Variants in RYR3 observed in about 807,000 individuals in gnomAD.
RYR3 encodes the protein brain ryanodine receptor-calcium release channel.
RYR3 carries 207 observed loss-of-function variants against 584.3 expected under a neutral mutation model. The ratio of observed to expected loss-of-function variants is 0.35; its 90% CI spans 0.32 to 0.40. The LOEUF is 0.40. Ranked by LOEUF, RYR3 falls within the 10% of genes least tolerant of loss-of-function variation. The pLI is 1.00. For synonymous variants in RYR3, 2,416 were observed against 2,248.5 expected (o/e 1.07, Z -2.11); for missense variants, 5,616 against 6,089.2 (o/e 0.92, Z 2.59).
intron 60 of RYR3, among the ~76,000 whole-genome samples, chr15:33,760,759 A>T (rs1348788983): frequency 6.6e-6 from 1 of 152,208 alleles, no homozygotes. Context: ...CTTAATAGAC[A>T]TCTACAGAAC....
At chr15:33,614,556 C>G (rs2060354720) in intron 19 of RYR3, among the ~76,000 whole-genome samples, 1 of 151,904 alleles carries the variant, frequency 6.6e-6, no homozygotes, top group African/African-American at 2.4e-5. Flanking sequence ...ATTTTTTATG[C>G]TTACTTTTAA....
At chr15:33,685,367 A>G (rs2064919337) in intron 38 of RYR3, among the ~76,000 whole-genome samples, 2 of 152,236 alleles carry the variant, frequency 1.3e-5, no homozygotes, top group South Asian at 2.1e-4. Context: ...ACATAATGGT[A>G]AAGGGATCAA....
intron 2 of RYR3, among the ~76,000 whole-genome samples, chr15:33,474,870 C>G (rs1443909400): frequency 6.6e-6 from 1 of 152,170 alleles, no homozygotes; most frequent in East Asian, 1.9e-4. Flanking sequence ...TCTTGTACTT[C>G]TCCCTCCCTT....
chr15:33,411,203 T>C lies in RYR3; in HGVS notation c.52-62216T>C, dbSNP rs920731206. On this transcript the variant is annotated intron_variant, in intron 1 of 103. Transcript: ENST00000634891. ...TTGTCTTGCTCTGGCTGTTTGAAAGTCTGCTTACCTAGGGCTGAAGTTGTC... is the reference window on the plus strand; with the variant it reads ...TTGTCTTGCTCTGGCTGTTTGAAAGCCTGCTTACCTAGGGCTGAAGTTGTC... Among the ~76,000 whole-genome samples the C allele has an allele frequency of 5.3e-5, 8 of 152,290 alleles. 1 individual carries two copies. Among genetic ancestry groups the C allele is most frequent in the Admixed American group, 1.3e-4 (2 of 15,296 alleles).
chr15:33,539,550 T>G, intron 6 of RYR3, 88 bp downstream of exon 6: 1 of 764,330 alleles, frequency 1.3e-6, no homozygotes, highest in Non-Finnish European at 2.3e-6. Flanking sequence ...CCACAGCAGG[T>G]TGGATAGAAT....
chr15:33,536,947 T>C (rs1389307230), intron 5 of RYR3, among the ~76,000 whole-genome samples: 1 of 152,202 alleles, frequency 6.6e-6, no homozygotes, highest in Admixed American at 6.5e-5. Flanking sequence ...ATAAAAATTT[T>C]GCTTTTATTT....
intron 74 of RYR3, among the ~76,000 whole-genome samples, chr15:33,815,069 CAAAA>C (rs35216286): frequency 3.4e-5 from 4 of 118,712 alleles, no homozygotes; most frequent in East Asian, 5.0e-4. Context: ...GACTCTGTCT[CAAAA>C]AAAAAAAAAA....
intron 1 of RYR3, among the ~76,000 whole-genome samples, chr15:33,318,251 A>T (rs757635744): frequency 6.6e-5 from 10 of 152,236 alleles, no homozygotes; most frequent in Non-Finnish European, 1.5e-4. Flanking sequence ...AGCCAGTATT[A>T]TGAGCAAGGC....
rs368204203 is a variant in RYR3 at position 33,572,688 on chromosome 15, C to CACACATAT, written c.1268+5891_1268+5892insACATATAC. On this transcript the variant is annotated intron_variant, in intron 12 of 103. Transcript: ENST00000634891. ...ACACACACACACACACACACACACACACTGGGCTGGGCACAATGGCTCACG... is the reference window on the plus strand; with the variant it reads ...ACACACACACACACACACACACACACACACATATACTGGGCTGGGCACAATGGCTCACG... Among the ~76,000 whole-genome samples the CACACATAT allele has an allele frequency of 2.4e-3, 311 of 131,448 alleles. 4 individuals are homozygous for CACACATAT. The East Asian group carries it at 0.024, about 10-fold the overall frequency. 86.2% of individuals were successfully genotyped at this position (131,448 alleles called of 152,430 possible).
chr15:33,615,165 A>G (rs1221039754), intron 19 of RYR3, among the ~76,000 whole-genome samples: 1 of 152,170 alleles, frequency 6.6e-6, no homozygotes, highest in Non-Finnish European at 1.5e-5. Flanking sequence ...TCAACATAGA[A>G]TCATACTAGT....
In RYR3 at chr15:33,854,843, A is replaced by G. The variant is rs199645058; in HGVS notation, c.13938A>G (p.Leu4646=). 1.6e-4 allele frequency: 263 copies of G among 1,613,806 alleles called. No individual in the cohort carries two copies. The African/African-American group carries it at 3.3e-3, about 20-fold the overall frequency. The change falls in exon 98 of 104, where the codon CTA becomes CTG. Residue 4646 remains leucine (L), a synonymous_variant. Transcript: ENST00000634891. ...HYNNFFFAAH[L]LDIAMGFKTL... is the part of the protein sequence containing the mutation. The stretch of plus-strand genomic sequence containing the variant: ...ATAACTTCTTCTTTGCTGCTCACCT[A>G]TTGGACATCGCAATGGGCTTCAAGA...
At chr15:33,448,485 C>G (rs2046849716) in intron 1 of RYR3, among the ~76,000 whole-genome samples, 1 of 152,186 alleles carries the variant, frequency 6.6e-6, no homozygotes, top group African/African-American at 2.4e-5. Context: ...CTCAGAGAAA[C>G]AGGCATTTCT....
chr15:33,634,045 T>C (rs1358079230), intron 24 of RYR3, among the ~76,000 whole-genome samples: 1 of 152,040 alleles, frequency 6.6e-6, no homozygotes, highest in Non-Finnish European at 1.5e-5. Context: ...TTAAAGTGTT[T>C]TTTGTTTTGT....
chr15:33,588,555 A>G (rs549302217), intron 16 of RYR3, among the ~76,000 whole-genome samples: 5 of 152,136 alleles, frequency 3.3e-5, no homozygotes, highest in Non-Finnish European at 7.4e-5. Flanking sequence ...TTGTAACCCC[A>G]ACCCAAATAA....
intron 1 of RYR3, among the ~76,000 whole-genome samples, chr15:33,422,468 A>C (rs2044306749): frequency 6.6e-6 from 1 of 152,202 alleles, no homozygotes; most frequent in African/African-American, 2.4e-5. Flanking sequence ...GCAAATGAGG[A>C]ATTGGAATAT....
At chr15:33,402,319 A>G (rs913929560) in intron 1 of RYR3, among the ~76,000 whole-genome samples, 5 of 152,186 alleles carry the variant, frequency 3.3e-5, no homozygotes, top group African/African-American at 1.2e-4. Context: ...GATGAAGAAG[A>G]GCCATGAATA....
intron 38 of RYR3, among the ~76,000 whole-genome samples, chr15:33,684,793 T>C (rs1340166279): frequency 6.6e-6 from 1 of 152,198 alleles, no homozygotes; most frequent in South Asian, 2.1e-4. Flanking sequence ...TGGGGGCCAA[T>C]ATTCAACATT....
chr15:33,524,914 T>C (rs2054281178), intron 3 of RYR3, among the ~76,000 whole-genome samples: 1 of 152,208 alleles, frequency 6.6e-6, no homozygotes, highest in South Asian at 2.1e-4. Flanking sequence ...CTGTAGTCTA[T>C]TAAATGTTGG....
intron 93 of RYR3, among the ~76,000 whole-genome samples, chr15:33,845,661 C>T (rs2078680060): frequency 6.6e-6 from 1 of 152,170 alleles, no homozygotes; most frequent in Non-Finnish European, 1.5e-5. Flanking sequence ...TCAGGTACCT[C>T]TTGTTGAATT....
Sources: allele counts gnomAD v4.1 joint callset (sites outside exome capture counted in the v4.1 genomes callset), GRCh38; gene constraint gnomAD v4.1.1; transcripts MANE v1.5; gene names NCBI Gene and HGNC (gene_info 2026-07-23, HGNC 2026-07-21).